Variants in SHBG observed in about 807,000 individuals in gnomAD.
SHBG encodes sex hormone-binding globulin.
A neutral mutation model predicts 41.9 loss-of-function variants in SHBG; 37 were observed. That is an observed-to-expected ratio of 0.88 (90% confidence interval 0.68 to 1.16). SHBG has a LOEUF of 1.16. Among genes scored for constraint, SHBG ranks in the 50% most tolerant of loss-of-function variants. The pLI, the probability that SHBG is intolerant of heterozygous loss-of-function variation, is 0.00. For missense variants in SHBG, 466 were observed against 499.9 expected (o/e 0.93, Z 0.65); for synonymous variants, 217 against 205.8 (o/e 1.05, Z -0.47).
At chr17:7,626,334 C>T (rs2072204566), upstream of SHBG, 2 of 1,214,078 alleles carry the variant, frequency 1.6e-6, no homozygotes, top group South Asian at 2.9e-5. Context: ...CACCCCTAAC[C>T]CTCCTTCCTC....
chr17:7,616,957 A>G (rs1247502903), intron 1 of SHBG, among the ~76,000 whole-genome samples: 2 of 152,144 alleles, frequency 1.3e-5, no homozygotes, highest in African/African-American at 2.4e-5. Context: ...AATAATAATA[A>G]TAAATAATGC....
intron 6 of SHBG, 117 bp downstream of exon 6, chr17:7,632,132 C>G: frequency 9.2e-7 from 1 of 1,090,324 alleles, no homozygotes; most frequent in Non-Finnish European, 1.4e-6. Context: ...CATAACAAGA[C>G]TGGCTCCACA....
At chr17:7,626,724 C>T, upstream of SHBG, 2 of 1,614,058 alleles carry the variant, frequency 1.2e-6, no homozygotes, top group Non-Finnish European at 8.5e-7. Flanking sequence ...TCTTCAGGTC[C>T]TCACTTGTCG....
upstream of SHBG, chr17:7,627,385 A>T: frequency 6.2e-7 from 1 of 1,613,972 alleles, no homozygotes; most frequent in Non-Finnish European, 8.5e-7. The surrounding 1 kb of genome is among the most constrained non-coding windows in gnomAD (Gnocchi z 4.8). Flanking sequence ...TCTTCACCTG[A>T]TCCGAGAGTT....
At position 7,630,669 on chromosome 17, in the gene SHBG, T is replaced by C; in HGVS notation, c.204-11T>C. The C allele has an allele frequency of 3.1e-6, 5 of 1,612,860 alleles. No homozygotes were observed. The highest frequency in any genetic ancestry group is 4.2e-6 in the Non-Finnish European group (5 of 1,179,092). ...ATGACATACACAATCTTTCCTTCTG[T>C]GTCCTTCCAGAACCTCCTCCTCCTT... On this transcript the variant is annotated splice_polypyrimidine_tract_variant and intron_variant, in intron 2 of 7. Transcript: ENST00000380450. This position sits in a 1 kb window ranked among gnomAD's most constrained non-coding sequence, Gnocchi z 4.6.
upstream of SHBG, chr17:7,626,828 T>A (rs1306489221): frequency 4.3e-6 from 7 of 1,612,350 alleles, no homozygotes; most frequent in Non-Finnish European, 5.9e-6. Context: ...AAATAGCTAT[T>A]GTTTGAGCTG....
chr17:7,627,173 C>T, upstream of SHBG: 1 of 1,614,144 alleles, frequency 6.2e-7, no homozygotes, highest in Non-Finnish European at 8.5e-7. The surrounding 1 kb of genome is among the most constrained non-coding windows in gnomAD (Gnocchi z 4.8). Context: ...GGAAGAATCT[C>T]TGCTACCAAA....
rs778481927 is a variant in SHBG, at chr17:7,614,467, G to A, written c.-62+356G>A. The A allele has an allele frequency of 1.6e-5, 25 of 1,540,776 alleles. No individual in the cohort carries two copies. The South Asian group carries it at 2.6e-4, about 16-fold the overall frequency. On this transcript the variant is annotated intron_variant, in intron 1 of 5. Transcript: ENST00000570547. ...GCCGTCTCACCTTGTAGAAGGCCCC[G>A]TTGGAGCCGCGCACCTCGACGGGCA...
chr17:7,627,675 G>A, upstream of SHBG: 1 of 1,612,772 alleles, frequency 6.2e-7, no homozygotes, highest in South Asian at 1.1e-5. The surrounding 1 kb of genome is among the most constrained non-coding windows in gnomAD (Gnocchi z 4.8). Flanking sequence ...CCAGGGCCTC[G>A]CAAACGGCAA....
At position 7,630,798 on chromosome 17, in the gene SHBG, C is replaced by T; in HGVS notation, c.322C>T (p.Gln108Ter). 6.2e-7 allele frequency: 1 copy of T among 1,614,032 alleles called. No individual in the cohort carries two copies. Among genetic ancestry groups the T allele is most frequent in the East Asian group, 2.2e-5 (1 of 44,870 alleles). Residue 108 changes from glutamine (Q) to a stop codon, truncating the protein, a stop_gained, in exon 3 of 8, where the codon CAA becomes TAA. Transcript: ENST00000380450. LOFTEE classifies it high-confidence loss of function. The surrounding 1 kb of genome is among the most constrained non-coding windows in gnomAD (Gnocchi z 4.6). ...ACTTCGAGACGGCAGGCCTGAGATCCAACTGCACAATCACTGGGCCCAGCT... is the reference window on the plus strand; with the variant it reads ...ACTTCGAGACGGCAGGCCTGAGATCTAACTGCACAATCACTGGGCCCAGCT... ...LGLRDGRPEI[Q>*]LHNHWAQLTV...
rs911431009 is a variant in SHBG at position 7,630,567 on chromosome 17, C to A, written c.203+60C>A. ...TGGTTCTGCCCTCTCTCCATCAGCTCTTCTCTTTTCCCTGTCTTCCTTTCC... is the reference window on the plus strand; with the variant it reads ...TGGTTCTGCCCTCTCTCCATCAGCTATTCTCTTTTCCCTGTCTTCCTTTCC... On this transcript the variant is annotated intron_variant, in intron 2 of 7. Coordinates refer to ENST00000380450, the MANE Select transcript of SHBG (RefSeq NM_001040.5). This position sits in a 1 kb window ranked among gnomAD's most constrained non-coding sequence, Gnocchi z 4.6. 5 of 1,555,988 alleles carry A rather than the reference C, an allele frequency of 3.2e-6. No individual in the cohort carries two copies. In the Admixed American group the frequency reaches 5.0e-5, roughly 16 times the overall value.
Position 7,631,972 on chromosome 17 carries a change from C to A in SHBG, c.809C>A (p.Thr270Lys), listed in dbSNP as rs1237927868. 6.2e-7 allele frequency: 1 copy of A among 1,613,940 alleles called. No individual in the cohort carries two copies. The highest frequency in any genetic ancestry group is 1.1e-5 in the South Asian group (1 of 91,084). The change falls in exon 6 of 8, where the codon ACA becomes AAA. Residue 270 changes from threonine (T) to lysine (K), a missense_variant. By Grantham distance (78) the Thr-to-Lys change is moderately conservative (BLOSUM62 -1). Coordinates refer to ENST00000380450, the MANE Select transcript of SHBG (RefSeq NM_001040.5). ...AGSGHLLALG[T>K]PENPSWLSLH... The stretch of plus-strand genomic sequence containing the variant: ...TCAGGCCACCTCCTTGCTCTTGGGA[C>A]ACCAGAGAACCCATCTTGGCTCAGT...
intron 1 of SHBG, among the ~76,000 whole-genome samples, chr17:7,617,362 G>A (rs542073748): frequency 1.3e-4 from 20 of 152,188 alleles, no homozygotes; most frequent in Admixed American, 7.9e-4. Context: ...AGCACTTTGG[G>A]AGGCTGAGGC....
rs367555757 is a variant in SHBG at position 7,631,325 on chromosome 17, G to C, written c.519G>C (p.Gly173=). The part of the protein sequence containing the change: ...KRHPIMRIAL[G]GLLFPASNLR... ...ATCCCATCATGAGGATTGCGCTTGG[G>C]GGGCTGCTCTTCCCCGCTTCCAACC... is the stretch of plus-strand genomic sequence containing the variant. The change falls in exon 4 of 8, where the codon GGG becomes GGC. Residue 173 remains glycine, a synonymous_variant. Transcript: ENST00000380450. The C allele has an allele frequency of 4.3e-6, 7 of 1,613,794 alleles. No individual in the cohort carries two copies. The highest frequency in any genetic ancestry group is 1.3e-5 in the African/African-American group (1 of 75,026).
Position 7,631,237 on chromosome 17 carries a change from A to G in SHBG, c.431A>G (p.Glu144Gly). ...VKMEGDSVLL[E>G]VDGEEVLRLR... ...ATGGAGGGGGACTCTGTGCTGCTGGAGGTGGATGGGGAGGAGGTGCTGCGC... is the reference window on the plus strand; with the variant it reads ...ATGGAGGGGGACTCTGTGCTGCTGGGGGTGGATGGGGAGGAGGTGCTGCGC... The change falls in exon 4 of 8, where the codon GAG becomes GGG. Residue 144 changes from glutamate (E) to glycine (G), a missense_variant. Coordinates refer to ENST00000380450, the MANE Select transcript of SHBG (RefSeq NM_001040.5). 1 of 1,599,206 alleles carries G rather than the reference A, an allele frequency of 6.3e-7. No homozygotes were observed. The highest frequency in any genetic ancestry group is 8.5e-7 in the Non-Finnish European group (1 of 1,173,044).
intron 1 of SHBG, among the ~76,000 whole-genome samples, chr17:7,620,355 T>C (rs2072068844): frequency 6.6e-6 from 1 of 152,068 alleles, no homozygotes; most frequent in Non-Finnish European, 1.5e-5. Context: ...CTTACTCTGT[T>C]GCCTAGGCTA....
chr17:7,627,571 C>A (rs146528619), upstream of SHBG: 67 of 1,609,954 alleles, frequency 4.2e-5, no homozygotes, highest in African/African-American at 8.7e-4. The surrounding 1 kb of genome is among the most constrained non-coding windows in gnomAD (Gnocchi z 4.8). Context: ...AGTCTTCACC[C>A]GAATCAGCCT....
intron 1 of SHBG, chr17:7,614,598 C>G: frequency 9.5e-7 from 1 of 1,051,060 alleles, no homozygotes; most frequent in South Asian, 2.6e-5. Flanking sequence ...CGGGCCGGGC[C>G]AGGCCCCCGG....
intron 1 of SHBG, among the ~76,000 whole-genome samples, chr17:7,621,081 C>A (rs1416094170): frequency 1.0e-5 from 1 of 98,720 alleles, no homozygotes; most frequent in African/African-American, 4.1e-5. Context: ...GGCAACAGAG[C>A]AAGACCCTGT....
Sources: allele counts gnomAD v4.1 joint callset (sites outside exome capture counted in the v4.1 genomes callset), GRCh38; gene constraint gnomAD v4.1.1; non-coding constraint Gnocchi (gnomAD v3.1); transcripts MANE v1.5; gene names NCBI Gene and HGNC (gene_info 2026-07-23, HGNC 2026-07-21).